PDE1A: variants seen among roughly 807,000 people sequenced by gnomAD.
PDE1A encodes dual specificity calcium/calmodulin-dependent 3',5'-cyclic nucleotide phosphodiesterase 1A.
PDE1A carries 35 observed loss-of-function variants against 61.7 expected under a neutral mutation model. The observed-to-expected ratio is 0.57, with a 90% CI of 0.43 to 0.75. The LOEUF is 0.75. Among genes scored for constraint, PDE1A ranks in the 30% least tolerant of loss-of-function variants. The pLI is 0.00. For synonymous variants in PDE1A, 232 were observed against 213.2 expected (o/e 1.09, Z -0.77); for missense variants, 597 against 630.6 (o/e 0.95, Z 0.57).
chr2:182,168,308 G>C, intron 13 of PDE1A: 4 of 1,522,084 alleles, frequency 2.6e-6, no homozygotes, highest in Non-Finnish European at 3.5e-6. Flanking sequence ...AAAAAAAAGC[G>C]TACTTATTTT....
chr2:182,389,001 T>C (rs145854000), intron 1 of PDE1A, among the ~76,000 whole-genome samples: 1 of 152,078 alleles, frequency 6.6e-6, no homozygotes, highest in Non-Finnish European at 1.5e-5. Flanking sequence ...GAGACTACTA[T>C]GAACAATTGT....
chr2:182,362,119 C>T (rs990573955), intron 1 of PDE1A, among the ~76,000 whole-genome samples: 1 of 152,016 alleles, frequency 6.6e-6, no homozygotes, highest in Non-Finnish European at 1.5e-5. Flanking sequence ...CACTAGAATT[C>T]AGATGTTTGC....
At chr2:182,614,093 G>C in the PDE1A span, among the ~76,000 whole-genome samples, 1 of 152,208 alleles carries the variant, frequency 6.6e-6, no homozygotes, top group African/African-American at 2.4e-5. Context: ...TAAGAATGAA[G>C]TAAAAATAAA....
chr2:182,707,690 T>C, the PDE1A span, among the ~76,000 whole-genome samples: 1 of 152,238 alleles, frequency 6.6e-6, no homozygotes, highest in Non-Finnish European at 1.5e-5. Flanking sequence ...GGATTCACCA[T>C]GGATTCTATC....
At chr2:182,582,599 C>T in the PDE1A span, among the ~76,000 whole-genome samples, 1 of 152,244 alleles carries the variant, frequency 6.6e-6, no homozygotes, top group Admixed American at 6.5e-5. Context: ...GAGTGCCACT[C>T]GGGCCAAGGG....
At chr2:182,291,175 C>T (rs1694507939) in intron 1 of PDE1A, among the ~76,000 whole-genome samples, 1 of 152,080 alleles carries the variant, frequency 6.6e-6, no homozygotes, top group Non-Finnish European at 1.5e-5. Flanking sequence ...ACCCTCCAAA[C>T]CTCTCGTCCT....
At chr2:182,542,705 C>T in the PDE1A span, among the ~76,000 whole-genome samples, 3,303 of 152,180 alleles carry the variant, frequency 0.022, 114 homozygotes, top group African/African-American at 0.075. Flanking sequence ...TTCTACACTA[C>T]GGGTTTACGT....
the PDE1A span, among the ~76,000 whole-genome samples, chr2:182,600,171 ATAAG>A: frequency 6.6e-6 from 1 of 152,250 alleles, no homozygotes; most frequent in Non-Finnish European, 1.5e-5. Flanking sequence ...TATTAAAAAA[ATAAG>A]TAATGCTATT....
At chr2:182,669,019 C>T in the PDE1A span, among the ~76,000 whole-genome samples, 3 of 152,296 alleles carry the variant, frequency 2.0e-5, no homozygotes, top group Non-Finnish European at 2.9e-5. Flanking sequence ...TTATCTTGGC[C>T]TATTCTTGAC....
chr2:182,421,529 G>A (rs1703278880), intron 1 of PDE1A, among the ~76,000 whole-genome samples: 1 of 152,190 alleles, frequency 6.6e-6, no homozygotes, highest in African/African-American at 2.4e-5. Flanking sequence ...TACTGCTGCT[G>A]ATAATTATGA....
In PDE1A at chr2:182,520,917, C is replaced by T. The variant is rs151026779; in HGVS notation, c.101+1359G>A. 5.9e-3 allele frequency among the ~76,000 whole-genome samples: 902 copies of T among 151,976 alleles called. 9 individuals carry two copies. The highest frequency in any genetic ancestry group is 0.021 in the African/African-American group (867 of 41,520). On this transcript the variant is annotated intron_variant, in intron 2 of 14. Coordinates refer to the PDE1A transcript ENST00000410103. ...TTTGCTTTGATAGGATTACTTGTTC[C>T]GCTAGAGAACAACCTCACCAAAAAG... is the stretch of plus-strand genomic sequence containing the variant.
intron 2 of PDE1A, among the ~76,000 whole-genome samples, chr2:182,452,247 T>A (rs1280297035): frequency 6.6e-6 from 1 of 152,144 alleles, no homozygotes; most frequent in East Asian, 1.9e-4. Flanking sequence ...CATAGGTGTC[T>A]AAGGTTAAGA....
chr2:182,295,325 C>T (rs1694814228), intron 1 of PDE1A, among the ~76,000 whole-genome samples: 2 of 151,892 alleles, frequency 1.3e-5, no homozygotes, highest in South Asian at 4.1e-4. Context: ...CCACCCGCCT[C>T]GGCCTCCCAA....
chr2:182,656,290 T>C, the PDE1A span, among the ~76,000 whole-genome samples: 2 of 152,248 alleles, frequency 1.3e-5, no homozygotes, highest in Non-Finnish European at 2.9e-5. Context: ...TATAGATCTA[T>C]ATTTGATAGT....
At chr2:182,552,439 GTTTT>G in the PDE1A span, among the ~76,000 whole-genome samples, 1 of 122,890 alleles carries the variant, frequency 8.1e-6, no homozygotes, top group South Asian at 2.6e-4. Context: ...GCTACACAAA[GTTTT>G]TTTTTTTTTT....
At chr2:182,342,331 C>T (rs763154108) in intron 1 of PDE1A, among the ~76,000 whole-genome samples, 4 of 152,090 alleles carry the variant, frequency 2.6e-5, no homozygotes, top group East Asian at 1.9e-4. Flanking sequence ...TAGGTAAGCA[C>T]GTGTCATGAA....
chr2:182,349,050 G>T (rs1273932155), intron 1 of PDE1A, among the ~76,000 whole-genome samples: 1 of 152,150 alleles, frequency 6.6e-6, no homozygotes, highest in Non-Finnish European at 1.5e-5. Flanking sequence ...AAATGTCATT[G>T]CTATAGTGAT....
rs375195060 is a variant in PDE1A at position 182,264,282 on chromosome 2, G to A, written c.167+19C>T. 2 of 1,494,938 alleles carry A rather than the reference G, an allele frequency of 1.3e-6. No individual in the cohort carries two copies. The highest frequency in any genetic ancestry group is 2.3e-5 in the South Asian group (2 of 86,072). The allele number at this position is 1,494,938 out of a possible 1,614,324, so 92.6% of individuals were successfully genotyped here. ...GGAGAGAATCAAAGAAGATAAAAGA[G>A]AAGAAGGTTAAAACTTACCTTGTTT... On this transcript the variant is annotated intron_variant, in intron 2 of 13. Coordinates refer to ENST00000351439, the Ensembl canonical transcript of PDE1A.
chr2:182,479,423 C>A lies in PDE1A; in HGVS notation c.101+42853G>T, dbSNP rs762677903. On this transcript the variant is annotated intron_variant, in intron 2 of 14. Coordinates refer to the PDE1A transcript ENST00000410103. ...TGAAATGTGAAAGCTCTAATTTAAC[C>A]CCTAATTAACAGAATCATTGATTTC... Among the ~76,000 whole-genome samples, 8 of 151,738 alleles carry A rather than the reference C, an allele frequency of 5.3e-5. No individual in the cohort carries two copies. The South Asian group carries it at 1.0e-3, about 20-fold the overall frequency.
Sources: gnomAD v4.1 joint callset for allele counts (sites outside exome capture counted in the v4.1 genomes callset) on GRCh38, gnomAD v4.1.1 for gene constraint, MANE v1.5 for transcripts, NCBI Gene and HGNC (gene_info 2026-07-23, HGNC 2026-07-21) for gene names.